The following NELL1 variants were observed in gnomAD, a reference collection of about 807,000 sequenced individuals.
NELL1 encodes protein kinase C-binding protein NELL1.
A neutral mutation model predicts 107.4 loss-of-function variants in NELL1; 76 were observed. The observed-to-expected ratio is 0.71, with a 90% CI of 0.59 to 0.86. NELL1 has a LOEUF of 0.86. Ranked by LOEUF, NELL1 falls within the 40% of genes least tolerant of loss-of-function variation. The probability of loss-of-function intolerance (pLI) is 0.00; values close to 1 mark genes in which losing one functional copy is unlikely to be tolerated. For missense variants in NELL1, 1,024 were observed against 1,005.5 expected, an observed-to-expected ratio of 1.02 and a Z score of -0.25; for synonymous variants, 353 against 341.2, an observed-to-expected ratio of 1.03 and a Z score of -0.38.
At chr11:21,124,209 A>T (rs1044433286) in intron 13 of NELL1, among the ~76,000 whole-genome samples, 2 of 152,246 alleles carry the variant, frequency 1.3e-5, no homozygotes, top group Non-Finnish European at 2.9e-5. Context: ...TTAAAATATT[A>T]GAAAGCAGAA....
chr11:21,126,461 C>A (rs1041529926), intron 13 of NELL1, among the ~76,000 whole-genome samples: 1 of 152,152 alleles, frequency 6.6e-6, no homozygotes, highest in South Asian at 2.1e-4. Flanking sequence ...CAAGTGAACC[C>A]ATATTTAACC....
intron 15 of NELL1, among the ~76,000 whole-genome samples, chr11:21,521,505 A>G (rs1161643794): frequency 1.4e-5 from 2 of 144,910 alleles, no homozygotes; most frequent in Non-Finnish European, 3.1e-5. Flanking sequence ...AATATTGTTC[A>G]TGTCTTCTAT....
In NELL1 at chr11:21,113,059, G is replaced by C. The variant is rs558114776; in HGVS notation, c.1301-530G>C. Among the ~76,000 whole-genome samples the C allele has an allele frequency of 2.6e-5, 4 of 152,058 alleles. No homozygotes were observed. The East Asian group carries it at 7.8e-4, about 29-fold the overall frequency. On this transcript the variant is annotated intron_variant, in intron 12 of 19. Coordinates refer to ENST00000357134, the MANE Select transcript of NELL1 (RefSeq NM_006157.5). ...AGGAGCTCCAGGTCAAAGGATGAGA[G>C]ACATTAATTTGCATCAGGCAACAGC... is the stretch of plus-strand genomic sequence containing the variant.
intron 14 of NELL1, among the ~76,000 whole-genome samples, chr11:21,314,707 G>A (rs1849835262): frequency 6.6e-6 from 1 of 152,150 alleles, no homozygotes; most frequent in Non-Finnish European, 1.5e-5. Flanking sequence ...GCAGAGGACA[G>A]GTACTTTGTA....
chr11:20,898,334 A>C (rs1369229180), intron 5 of NELL1, among the ~76,000 whole-genome samples: 1 of 151,784 alleles, frequency 6.6e-6, no homozygotes, highest in Non-Finnish European at 1.5e-5. Context: ...AAAACCAAAC[A>C]CTGCATGTTC....
At position 20,847,575 on chromosome 11, in the gene NELL1, A is replaced by G; in HGVS notation, c.336-8A>G. The stretch of plus-strand genomic sequence containing the variant: ...AAATAAAACAAATGTTTGTTCCTTT[A>G]CATACAGCTATTTTGAACTGGAGAG... On this transcript the variant is annotated splice_region_variant and splice_polypyrimidine_tract_variant and intron_variant, in intron 3 of 19. Coordinates refer to ENST00000357134, the MANE Select transcript of NELL1 (RefSeq NM_006157.5). 1.2e-6 allele frequency: 2 copies of G among 1,611,566 alleles called. No individual in the cohort carries two copies. Among genetic ancestry groups the G allele is most frequent in the Non-Finnish European group, 1.7e-6 (2 of 1,178,716 alleles).
rs1224740625 is a variant in NELL1, at chr11:20,959,841, AG to A, written c.1172-590del. Among the ~76,000 whole-genome samples the A allele has an allele frequency of 5.9e-5, 9 of 152,342 alleles. No individual in the cohort carries two copies. The South Asian group carries it at 1.9e-3, about 32-fold the overall frequency. The stretch of plus-strand genomic sequence containing the variant: ...AATATTTTTTAAAAAAGCATACCAT[AG>A]AAGATATATACAGTAAGATTTCCCT... On this transcript the variant is annotated intron_variant, in intron 11 of 19. Coordinates refer to ENST00000357134, the MANE Select transcript of NELL1 (RefSeq NM_006157.5).
At position 20,683,002 on chromosome 11, in the gene NELL1, TTAGAC is replaced by T. The variant is rs144484474; in HGVS notation, c.184+4945_184+4949del. Among the ~76,000 whole-genome samples the T allele has an allele frequency of 3.5e-3, 530 of 152,168 alleles. 3 individuals carry two copies. The highest frequency in any genetic ancestry group is 0.012 in the African/African-American group (508 of 41,558). ...AATTTGTGTTTTTTCATCAGCGTAT[TTAGAC>T]TATTTACATTTAATGTGATTATTGA... On this transcript the variant is annotated intron_variant, in intron 2 of 19. Coordinates refer to ENST00000357134, the MANE Select transcript of NELL1 (RefSeq NM_006157.5).
chr11:21,510,730 T>C (rs1290409185), intron 15 of NELL1, among the ~76,000 whole-genome samples: 1 of 152,136 alleles, frequency 6.6e-6, no homozygotes, highest in African/African-American at 2.4e-5. Flanking sequence ...TGACATCTAC[T>C]CTATATTTAC....
intron 3 of NELL1, among the ~76,000 whole-genome samples, chr11:20,822,414 A>C (rs1297880273): frequency 6.6e-6 from 1 of 152,206 alleles, no homozygotes; most frequent in Admixed American, 6.5e-5. Flanking sequence ...TATAGCATAA[A>C]TGCCTAGTAT....
intron 12 of NELL1, among the ~76,000 whole-genome samples, chr11:20,980,793 G>A (rs1250801848): frequency 6.6e-6 from 1 of 152,202 alleles, no homozygotes; most frequent in Admixed American, 6.5e-5. Flanking sequence ...ATGTGCAGCT[G>A]TTAAGCAGTG....
At chr11:21,350,980 A>G (rs974573514) in intron 14 of NELL1, among the ~76,000 whole-genome samples, 3 of 152,078 alleles carry the variant, frequency 2.0e-5, no homozygotes, top group Non-Finnish European at 2.9e-5. Context: ...TTAAGATGGT[A>G]TCATCTTGGA....
At chr11:21,465,124 T>C (rs1052826534) in intron 15 of NELL1, among the ~76,000 whole-genome samples, 1 of 152,018 alleles carries the variant, frequency 6.6e-6, no homozygotes, top group Non-Finnish European at 1.5e-5. Flanking sequence ...TGTAATCTGA[T>C]GGTATTCAAA....
intron 2 of NELL1, among the ~76,000 whole-genome samples, chr11:20,710,685 GT>G (rs200739268): frequency 6.6e-6 from 1 of 151,112 alleles, no homozygotes; most frequent in Admixed American, 6.6e-5. Flanking sequence ...TTTGTTGGCA[GT>G]TTTTTTTTAA....
intron 14 of NELL1, among the ~76,000 whole-genome samples, chr11:21,289,891 G>A (rs1849211653): frequency 6.6e-6 from 1 of 152,076 alleles, no homozygotes; most frequent in African/African-American, 2.4e-5. Flanking sequence ...TTCAAACTGG[G>A]TGGAGCCTAC....
intron 12 of NELL1, among the ~76,000 whole-genome samples, chr11:21,089,726 T>C (rs1206662964): frequency 2.6e-5 from 4 of 152,186 alleles, no homozygotes; most frequent in African/African-American, 9.6e-5. Context: ...AATCATTCTA[T>C]AGGGTGCGAT....
chr11:21,309,282 A>ATATATATATG (rs1565160382), intron 14 of NELL1, among the ~76,000 whole-genome samples: 22 of 10,312 alleles, frequency 2.1e-3, no homozygotes, highest in Non-Finnish European at 3.2e-3. Flanking sequence ...ATATATATGT[A>ATATATATATG]TATATATATA....
chr11:20,910,979 A>G (rs1850117994), intron 5 of NELL1, among the ~76,000 whole-genome samples: 1 of 152,238 alleles, frequency 6.6e-6, no homozygotes. Flanking sequence ...ATTTCTTGGC[A>G]TTTAATGCTC....
chr11:20,910,439 T>G (rs1039169059), intron 5 of NELL1, among the ~76,000 whole-genome samples: 7 of 152,150 alleles, frequency 4.6e-5, no homozygotes, highest in African/African-American at 1.4e-4. Flanking sequence ...TTGCAATCAT[T>G]CTATCACATA....
Sources: allele counts gnomAD v4.1 joint callset (sites outside exome capture counted in the v4.1 genomes callset), GRCh38; gene constraint gnomAD v4.1.1; transcripts MANE v1.5; gene names NCBI Gene and HGNC (gene_info 2026-07-23, HGNC 2026-07-21).